Variants in TVP23C observed in about 807,000 individuals in gnomAD.
The protein encoded by TVP23C is Golgi apparatus membrane protein TVP23 homolog C.
In TVP23C, 19 loss-of-function variants were observed where a neutral mutation model predicts 28.7. The observed-to-expected ratio is 0.66, with a 90% CI of 0.46 to 0.97. The LOEUF (loss-of-function observed/expected upper bound fraction) is 0.97, where lower values mean the gene tolerates loss of function less well. TVP23C is among the 50% of genes least tolerant of loss of function. The pLI is 0.00. For synonymous variants in TVP23C, 68 were observed against 81.7 expected (o/e 0.83, Z 0.90); for missense variants, 186 against 241.3 (o/e 0.77, Z 1.52).
At chr17:15,510,827 G>A (rs1981967238) in intron 5 of TVP23C, among the ~76,000 whole-genome samples, 1 of 152,060 alleles carries the variant, frequency 6.6e-6, no homozygotes, top group Non-Finnish European at 1.5e-5. Context: ...GGGAGGCCGA[G>A]GGCAGATCAT....
At chr17:15,526,966 G>A (rs891878452) in intron 5 of TVP23C, among the ~76,000 whole-genome samples, 8 of 152,174 alleles carry the variant, frequency 5.3e-5, no homozygotes, top group African/African-American at 9.6e-5. Context: ...TTGGTTTGAA[G>A]TAAGTTCCTG....
intron 5 of TVP23C, among the ~76,000 whole-genome samples, chr17:15,524,063 G>GGGGT (rs1216462843): frequency 1.6e-3 from 216 of 136,350 alleles, no homozygotes; most frequent in Non-Finnish European, 2.7e-3. Context: ...AGCAGAGTGG[G>GGGGT]GTGTGTGTGT....
intron 3 of TVP23C, among the ~76,000 whole-genome samples, chr17:15,548,826 C>T (rs1448492046): frequency 6.6e-6 from 1 of 152,130 alleles, no homozygotes; most frequent in Non-Finnish European, 1.5e-5. Context: ...AAGTACATAC[C>T]TATGATAATG....
chr17:15,525,302 C>G (rs982834772), intron 5 of TVP23C, among the ~76,000 whole-genome samples: 1 of 152,234 alleles, frequency 6.6e-6, no homozygotes, highest in Non-Finnish European at 1.5e-5. Context: ...ATAGCGTTTA[C>G]AGACAGCTGG....
At chr17:15,523,815 G>C (rs1467021438) in intron 5 of TVP23C, among the ~76,000 whole-genome samples, 1 of 151,838 alleles carries the variant, frequency 6.6e-6, no homozygotes, top group Non-Finnish European at 1.5e-5. Flanking sequence ...GGGATTCACC[G>C]TGTTAGCCAG....
At chr17:15,512,536 G>A (rs982233846) in intron 5 of TVP23C, among the ~76,000 whole-genome samples, 11 of 152,158 alleles carry the variant, frequency 7.2e-5, no homozygotes, top group Non-Finnish European at 1.3e-4. Context: ...AGAAAGGAGA[G>A]TCTGTTGTCC....
intron 5 of TVP23C, among the ~76,000 whole-genome samples, chr17:15,510,969 G>A (rs1340737244): frequency 3.5e-5 from 5 of 141,750 alleles, no homozygotes; most frequent in East Asian, 2.1e-4. Context: ...CAGGAGAATC[G>A]TTTGAACCCG....
intron 5 of TVP23C, among the ~76,000 whole-genome samples, chr17:15,504,113 G>A (rs1981615375): frequency 6.6e-6 from 1 of 152,186 alleles, no homozygotes; most frequent in Non-Finnish European, 1.5e-5. Context: ...AATCAGGCCT[G>A]AGGATCCTGA....
intron 1 of TVP23C, among the ~76,000 whole-genome samples, chr17:15,555,790 TC>T (rs1984103300): frequency 6.6e-6 from 1 of 152,102 alleles, no homozygotes; most frequent in Admixed American, 6.5e-5. Flanking sequence ...CTCCTCCTCT[TC>T]TTATCCAAGG....
At chr17:15,542,196 A>G (rs898118097) in intron 5 of TVP23C, among the ~76,000 whole-genome samples, 2 of 152,238 alleles carry the variant, frequency 1.3e-5, no homozygotes, top group Non-Finnish European at 2.9e-5. Context: ...ACTTATAGAA[A>G]AGCAAAAGAC....
intron 3 of TVP23C, among the ~76,000 whole-genome samples, chr17:15,548,445 G>A (rs1201821310): frequency 6.6e-6 from 1 of 152,176 alleles, no homozygotes; most frequent in African/African-American, 2.4e-5. Context: ...GATTACAGGT[G>A]TAAGCCACCA....
intron 5 of TVP23C, among the ~76,000 whole-genome samples, chr17:15,524,017 G>T (rs1247896889): frequency 6.6e-6 from 1 of 151,880 alleles, no homozygotes; most frequent in Non-Finnish European, 1.5e-5. Context: ...AGAGCTTGGT[G>T]CATTTGAAGA....
chr17:15,524,715 A>C (rs1024037885), intron 5 of TVP23C, among the ~76,000 whole-genome samples: 1 of 138,602 alleles, frequency 7.2e-6, no homozygotes, highest in African/African-American at 2.9e-5. Context: ...AGAGGGATGC[A>C]CACAGTGGCT....
At chr17:15,514,510 C>T (rs1462782187) in intron 5 of TVP23C, among the ~76,000 whole-genome samples, 1 of 151,878 alleles carries the variant, frequency 6.6e-6, no homozygotes, top group Admixed American at 6.6e-5. Flanking sequence ...GACAAAAAGG[C>T]TAAACTGTAT....
At chr17:15,547,406 G>T (rs1430964553) in intron 3 of TVP23C, among the ~76,000 whole-genome samples, 1 of 151,846 alleles carries the variant, frequency 6.6e-6, no homozygotes, top group Admixed American at 6.6e-5. Flanking sequence ...TTTCCCTCAT[G>T]AACAATTTGC....
At position 15,555,255 on chromosome 17, in the gene TVP23C, C is replaced by T. The variant is rs372038090; in HGVS notation, c.95+27G>A. ...CATACAGAACAACACTGGACACTAACACAGCTCATGCAACTTCTCCTCCTA... is the reference window on the plus strand; with the variant it reads ...CATACAGAACAACACTGGACACTAATACAGCTCATGCAACTTCTCCTCCTA... On this transcript the variant is annotated intron_variant, in intron 2 of 5. Coordinates refer to ENST00000518321, the MANE Select transcript of TVP23C (RefSeq NM_001135036.2). The T allele has an allele frequency of 3.1e-4, 506 of 1,613,900 alleles. 1 individual carries two copies. The African/African-American group carries it at 6.0e-3, about 19-fold the overall frequency.
In TVP23C at chr17:15,539,535, G is replaced by A. The variant is rs545030086; in HGVS notation, c.*877C>T. 173 of 690,532 alleles carry A rather than the reference G, an allele frequency of 2.5e-4. 1 individual carries two copies. Among genetic ancestry groups the A allele is most frequent in the South Asian group, 1.4e-3 (21 of 15,186 alleles). The allele number at this position is 690,532 out of a possible 1,614,324, so 42.8% of individuals were successfully genotyped here. ...GGAGAATGGCGTGAACCCGGGAGGC[G>A]GAGCTTGCAGTAAGCCGAGATCACG... On this transcript the variant is annotated 3_prime_UTR_variant, in exon 6 of 6. Coordinates refer to ENST00000518321, the MANE Select transcript of TVP23C (RefSeq NM_001135036.2).
exon 6 of TVP23C, chr17:15,502,741 C>T (rs79404074): frequency 2.3e-5 from 23 of 1,004,516 alleles, no homozygotes; most frequent in East Asian, 3.3e-5. Flanking sequence ...TTTCTCTCTC[C>T]TCTCTCCCGT....
intron 4 of TVP23C, among the ~76,000 whole-genome samples, chr17:15,546,804 C>T (rs1983665644): frequency 6.6e-6 from 1 of 151,200 alleles, no homozygotes; most frequent in African/African-American, 2.4e-5. Context: ...CAATCCCTGA[C>T]AGGCAGCTTA....
Sources: gnomAD v4.1 joint callset for allele counts (sites outside exome capture counted in the v4.1 genomes callset) on GRCh38, gnomAD v4.1.1 for gene constraint, MANE v1.5 for transcripts, NCBI Gene and HGNC (gene_info 2026-07-23, HGNC 2026-07-21) for gene names.